PPP1R14D: variants seen among roughly 807,000 people sequenced by gnomAD.
PPP1R14D encodes the protein protein phosphatase 1 regulatory inhibitor subunit 14D, also known as protein phosphatase 1 regulatory subunit 14D.
PPP1R14D carries 14 observed loss-of-function variants against 17.1 expected under a neutral mutation model. That is an observed-to-expected ratio of 0.82 (90% CI 0.54 to 1.28). PPP1R14D has a LOEUF of 1.28. Among genes scored for constraint, PPP1R14D ranks in the 50% most tolerant of loss-of-function variants. PPP1R14D has a pLI of 0.00. For missense variants in PPP1R14D, 173 were observed against 179.2 expected (o/e 0.97, Z 0.20); for synonymous variants, 67 against 66.1 (o/e 1.01, Z -0.06).
intron 1 of PPP1R14D, 119 bp downstream of exon 1, chr15:40,828,268 A>G: frequency 2.2e-6 from 3 of 1,336,634 alleles, no homozygotes; most frequent in Non-Finnish European, 3.0e-6. Flanking sequence ...TTCATCAGTT[A>G]CAAAAGCTTT....
At chr15:40,820,238 A>AACC (rs1490951412) in intron 1 of PPP1R14D, among the ~76,000 whole-genome samples, 1 of 151,056 alleles carries the variant, frequency 6.6e-6, no homozygotes, top group Non-Finnish European at 1.5e-5. Flanking sequence ...GGCTTACTGC[A>AACC]ACCTCTGCCT....
At chr15:40,823,519 A>G (rs1411072212) in intron 1 of PPP1R14D, among the ~76,000 whole-genome samples, 1 of 152,220 alleles carries the variant, frequency 6.6e-6, no homozygotes, top group African/African-American at 2.4e-5. Flanking sequence ...CCAGTCCTGC[A>G]AGCTCCATTC....
intron 1 of PPP1R14D, among the ~76,000 whole-genome samples, chr15:40,817,025 C>T (rs1035496786): frequency 6.6e-6 from 1 of 151,714 alleles, no homozygotes; most frequent in South Asian, 2.1e-4. Context: ...GAGCGGAGAT[C>T]GTGCCACTGC....
Position 40,815,524 on chromosome 15 carries a change from G to T in PPP1R14D, c.*172C>A. On this transcript the variant is annotated 3_prime_UTR_variant, in exon 4 of 4. Coordinates refer to ENST00000299174, the MANE Select transcript of PPP1R14D (RefSeq NM_017726.8). ...ACAACAGCCAGCTTTCTCCCAGAGA[G>T]CCCAGCTGACAGAAACTAGCTGTGA... The T allele has an allele frequency of 1.2e-6, 1 of 823,666 alleles. No homozygotes were observed. The highest frequency in any genetic ancestry group is 1.9e-6 in the Non-Finnish European group (1 of 540,466). The allele number at this position is 823,666 out of a possible 1,614,324, so 51.0% of individuals were successfully genotyped here. A position where few individuals can be genotyped will look rare whatever the true frequency, so the allele number is the denominator to read the frequency against.
At chr15:40,823,457 C>T (rs1890818329) in intron 1 of PPP1R14D, among the ~76,000 whole-genome samples, 1 of 152,128 alleles carries the variant, frequency 6.6e-6, no homozygotes, top group East Asian at 1.9e-4. Flanking sequence ...ATGAAATCTA[C>T]AGTAATGTCC....
At chr15:40,825,385 T>C (rs1890854492) in intron 1 of PPP1R14D, among the ~76,000 whole-genome samples, 1 of 151,924 alleles carries the variant, frequency 6.6e-6, no homozygotes, top group African/African-American at 2.4e-5. Context: ...AACTCATGTG[T>C]GTTTAAGTCC....
chr15:40,825,771 G>C (rs1438019389), intron 1 of PPP1R14D, among the ~76,000 whole-genome samples: 1 of 152,206 alleles, frequency 6.6e-6, no homozygotes, highest in African/African-American at 2.4e-5. Flanking sequence ...GAAAAGAGCA[G>C]GGATTGGGAG....
intron 1 of PPP1R14D, among the ~76,000 whole-genome samples, chr15:40,827,309 G>C (rs1890884441): frequency 6.6e-6 from 1 of 152,166 alleles, no homozygotes; most frequent in African/African-American, 2.4e-5. Flanking sequence ...GAGAGTTCGA[G>C]ACCAGCCTGA....
chr15:40,823,167 T>G (rs1890810918), intron 1 of PPP1R14D, among the ~76,000 whole-genome samples: 1 of 151,996 alleles, frequency 6.6e-6, no homozygotes, highest in South Asian at 2.1e-4. Flanking sequence ...TTTCACCATG[T>G]TGGCCAGGCT....
intron 1 of PPP1R14D, among the ~76,000 whole-genome samples, chr15:40,821,845 T>C (rs1033097117): frequency 6.6e-6 from 1 of 152,170 alleles, no homozygotes; most frequent in African/African-American, 2.4e-5. Flanking sequence ...GGAGAATCAG[T>C]CAAACCTGGG....
Position 40,828,664 on chromosome 15 carries a change from A to T in PPP1R14D, c.-23T>A. Reference sequence around the variant, plus strand: ...CATGGAAGTATTGGTCTGGGCAAGGAGCTGGGAAAAACCGCCAGTTCTGAG... The same window carrying T: ...CATGGAAGTATTGGTCTGGGCAAGGTGCTGGGAAAAACCGCCAGTTCTGAG... On this transcript the variant is annotated 5_prime_UTR_variant, in exon 1 of 4. Transcript: ENST00000299174. 6.3e-7 allele frequency: 1 copy of T among 1,582,508 alleles called. No homozygotes were observed. The highest frequency in any genetic ancestry group is 8.6e-7 in the Non-Finnish European group (1 of 1,163,652).
At chr15:40,824,239 C>A (rs966992468) in intron 1 of PPP1R14D, among the ~76,000 whole-genome samples, 2 of 152,108 alleles carry the variant, frequency 1.3e-5, no homozygotes, top group African/African-American at 4.8e-5. Flanking sequence ...TACCCAGGGT[C>A]CTTACTCCTG....
intron 1 of PPP1R14D, among the ~76,000 whole-genome samples, chr15:40,823,691 T>C (rs557094217): frequency 5.9e-5 from 9 of 152,296 alleles, no homozygotes; most frequent in African/African-American, 1.9e-4. Context: ...CTAGGAATAA[T>C]AGCTACACCA....
intron 1 of PPP1R14D, among the ~76,000 whole-genome samples, chr15:40,817,827 G>C (rs1890699399): frequency 6.6e-6 from 1 of 151,322 alleles, no homozygotes; most frequent in Non-Finnish European, 1.5e-5. Flanking sequence ...TGTCCAGGCT[G>C]GTCTCAAACT....
intron 1 of PPP1R14D, among the ~76,000 whole-genome samples, chr15:40,826,022 C>T (rs966009329): frequency 2.0e-5 from 3 of 152,210 alleles, no homozygotes; most frequent in African/African-American, 7.2e-5. Context: ...GCACAATAAA[C>T]AATCTGAAAT....
At chr15:40,818,288 C>CAAA (rs764375543) in intron 1 of PPP1R14D, among the ~76,000 whole-genome samples, 50 of 37,008 alleles carry the variant, frequency 1.4e-3, no homozygotes, top group African/African-American at 2.4e-3. Context: ...GACTCCATCT[C>CAAA]AAAAAAAAAA....
rs771121533 is a variant in PPP1R14D at position 40,828,635 on chromosome 15, A to G, written c.7T>C (p.Ser3Pro). The G allele has an allele frequency of 6.2e-7, 1 of 1,609,732 alleles. No homozygotes were observed. Among genetic ancestry groups the G allele is most frequent in the African/African-American group, 1.3e-5 (1 of 74,988 alleles). ML[S>P]SSPASCTSPS... Reference sequence around the variant, plus strand: ...GATGTGCAGGAAGCAGGGCTTGAAGACAGCATGGAAGTATTGGTCTGGGCA... The same window carrying G: ...GATGTGCAGGAAGCAGGGCTTGAAGGCAGCATGGAAGTATTGGTCTGGGCA... The change falls in exon 1 of 4, where the codon TCT becomes CCT. Residue 3 changes from serine (S) to proline (P), a missense_variant. Physicochemically the swap from Ser to Pro is moderately conservative, Grantham distance 74. Transcript: ENST00000299174.
chr15:40,828,357 T>A, intron 1 of PPP1R14D, 30 bp downstream of exon 1: 1 of 1,545,026 alleles, frequency 6.5e-7, no homozygotes, highest in Non-Finnish European at 8.7e-7. Flanking sequence ...CAGGCCCCCA[T>A]CTCCTCCCAC....
chr15:40,827,967 GAAAC>G (rs1317952932), intron 1 of PPP1R14D, among the ~76,000 whole-genome samples: 6 of 142,698 alleles, frequency 4.2e-5, no homozygotes, highest in Non-Finnish European at 7.8e-5. Context: ...AAGAAAGAAA[GAAAC>G]AAAGAAAAAG....
Sources: allele counts gnomAD v4.1 joint callset (sites outside exome capture counted in the v4.1 genomes callset), GRCh38; gene constraint gnomAD v4.1.1; transcripts MANE v1.5; gene names NCBI Gene and HGNC (gene_info 2026-07-23, HGNC 2026-07-21).